SERINC5: variants seen among roughly 807,000 people sequenced by gnomAD.
SERINC5 encodes chromosome 5 open reading frame 12.
In SERINC5, 41 loss-of-function variants were observed where a neutral mutation model predicts 63.1. The observed-to-expected ratio is 0.65, with a 90% CI of 0.51 to 0.84. The LOEUF is 0.84. Ranked by LOEUF, SERINC5 falls within the 40% of genes least tolerant of loss-of-function variation. The pLI, the probability that SERINC5 is intolerant of heterozygous loss-of-function variation, is 0.00. For missense variants in SERINC5, 523 were observed against 573.0 expected, an observed-to-expected ratio of 0.91 and a Z score of 0.89; for synonymous variants, 222 against 215.2, an observed-to-expected ratio of 1.03 and a Z score of -0.28.
intron 1 of SERINC5, among the ~76,000 whole-genome samples, chr5:80,238,930 T>TCA (rs1299223911): frequency 6.6e-6 from 1 of 151,946 alleles, no homozygotes; most frequent in African/African-American, 2.4e-5. Flanking sequence ...CAACATCCAC[T>TCA]CATTCACGCT....
chr5:80,134,777 T>C (rs1745090931), downstream of SERINC5, among the ~76,000 whole-genome samples: 1 of 152,188 alleles, frequency 6.6e-6, no homozygotes, highest in Non-Finnish European at 1.5e-5. Context: ...ACCCTCATGG[T>C]TAGTTAGACA....
chr5:80,118,245 C>T (rs1744408905), intron 11 of SERINC5, among the ~76,000 whole-genome samples: 1 of 152,016 alleles, frequency 6.6e-6, no homozygotes, highest in African/African-American at 2.4e-5. Flanking sequence ...CCAGGGTGAT[C>T]TCCTCAAATC....
chr5:80,150,999 A>G (rs1336458093), intron 8 of SERINC5, 51 bp from the exon 9 acceptor site: 2 of 1,365,854 alleles, frequency 1.5e-6, no homozygotes, highest in African/African-American at 2.9e-5. Context: ...ATTACAACAC[A>G]TGGAATGAAG....
In SERINC5 at chr5:80,142,477, G is replaced by A. The variant is rs1457504960; in HGVS notation, c.*1186C>T. The stretch of plus-strand genomic sequence containing the variant: ...TGCAACTCCTGACCTCAAGTGATCC[G>A]CCTGCCTCTGCGCACCTCTTTTTAA... On this transcript the variant is annotated 3_prime_UTR_variant, in exon 12 of 12. Transcript: ENST00000507668. 6 of 984,084 alleles carry A rather than the reference G, an allele frequency of 6.1e-6. No individual in the cohort carries two copies. The highest frequency in any genetic ancestry group is 4.7e-5 in the South Asian group (1 of 21,268). The allele number at this position is 984,084 out of a possible 1,614,324, so 61.0% of individuals were successfully genotyped here. A position where few individuals can be genotyped will look rare whatever the true frequency, so the allele number is the denominator to read the frequency against.
intron 2 of SERINC5, among the ~76,000 whole-genome samples, chr5:80,180,907 T>C (rs1018638906): frequency 1.3e-5 from 2 of 152,174 alleles, no homozygotes; most frequent in African/African-American, 2.4e-5. Context: ...AGACTTAGAT[T>C]GCAGACCTAA....
chr5:80,132,109 T>C (rs775746858), intron 11 of SERINC5, among the ~76,000 whole-genome samples: 2 of 152,320 alleles, frequency 1.3e-5, no homozygotes, highest in East Asian at 1.9e-4. Flanking sequence ...AGATGAGCCA[T>C]GTTCAACATG....
intron 8 of SERINC5, chr5:80,157,868 T>C (rs936723635): frequency 4.6e-5 from 7 of 152,112 alleles, no homozygotes; most frequent in African/African-American, 1.4e-4. Flanking sequence ...CCTGAGCAAA[T>C]AGACTCTAAA....
rs1580067827 is a variant in SERINC5 at position 80,150,564 on chromosome 5, T to C, written c.1053+318A>G. ...GATTCTCGCGTCTCAGCCTCCCAAG[T>C]AGCTGGGACTACAGGTGTGAGCAAC... is the stretch of plus-strand genomic sequence containing the variant. On this transcript the variant is annotated intron_variant, in intron 9 of 11. Transcript: ENST00000507668. Among the ~76,000 whole-genome samples the C allele has an allele frequency of 2.0e-5, 3 of 152,312 alleles. No individual in the cohort carries two copies. In the South Asian group the frequency reaches 6.2e-4, roughly 32 times the overall value.
chr5:80,143,660 T>A lies in SERINC5; in HGVS notation c.*3A>T, dbSNP rs752715209. 3 of 1,535,700 alleles carry A rather than the reference T, an allele frequency of 2.0e-6. No individual in the cohort carries two copies. The highest frequency in any genetic ancestry group is 2.4e-5 in the East Asian group (1 of 40,894). On this transcript the variant is annotated 3_prime_UTR_variant, in exon 12 of 12. Coordinates refer to ENST00000507668, the MANE Select transcript of SERINC5 (RefSeq NM_001174072.3). ...CACAAAGCCCAGGGGACCGCCGATA[T>A]CATCACACAGAGAACTCCCGGGTGG...
At chr5:80,116,381 G>A (rs373937504) in intron 11 of SERINC5, 5 of 455,688 alleles carry the variant, frequency 1.1e-5, no homozygotes, top group South Asian at 7.8e-5. Flanking sequence ...TTCCTGGACA[G>A]AGAATGGGAC....
chr5:80,166,335 T>C (rs1747298739), intron 7 of SERINC5, 48 bp downstream of exon 7: 5 of 1,245,804 alleles, frequency 4.0e-6, no homozygotes, highest in Non-Finnish European at 5.7e-6. Context: ...CCTCCATGAA[T>C]GAAAATATTC....
chr5:80,241,366 G>A (rs1381447434), intron 1 of SERINC5, among the ~76,000 whole-genome samples: 1 of 152,140 alleles, frequency 6.6e-6, no homozygotes, highest in African/African-American at 2.4e-5. Context: ...CTACTCGGGA[G>A]GCTGAGGCAG....
chr5:80,207,637 C>G (rs1305974067), intron 1 of SERINC5, among the ~76,000 whole-genome samples: 1 of 152,144 alleles, frequency 6.6e-6, no homozygotes, highest in African/African-American at 2.4e-5. Context: ...CATTTTCACT[C>G]TTACTCTATA....
At chr5:80,155,567 C>T (rs138056132) in intron 8 of SERINC5, among the ~76,000 whole-genome samples, 737 of 66,002 alleles carry the variant, frequency 0.011, 14 homozygotes, top group African/African-American at 0.073. Context: ...AGCAAAACTC[C>T]GTCTCAAAAA....
intron 7 of SERINC5, among the ~76,000 whole-genome samples, chr5:80,159,239 G>A (rs1188522014): frequency 1.3e-5 from 2 of 152,200 alleles, no homozygotes; most frequent in Non-Finnish European, 2.9e-5. Flanking sequence ...CCTAAGGAAA[G>A]AGTCTTGCTC....
chr5:80,250,853 C>T (rs192854621), intron 1 of SERINC5, among the ~76,000 whole-genome samples: 96 of 152,254 alleles, frequency 6.3e-4, no homozygotes, highest in Non-Finnish European at 1.2e-3. Flanking sequence ...CTTGAGCCAC[C>T]GCTCACTCCC....
chr5:80,250,847 AGCCACC>A (rs1174787552), intron 1 of SERINC5, among the ~76,000 whole-genome samples: 1 of 152,112 alleles, frequency 6.6e-6, no homozygotes, highest in Non-Finnish European at 1.5e-5. Context: ...CTGACTCTTG[AGCCACC>A]GCTCACTCCC....
chr5:80,198,405 T>C (rs1749635335), intron 2 of SERINC5: 1 of 388,190 alleles, frequency 2.6e-6, no homozygotes, highest in African/African-American at 2.2e-5. Flanking sequence ...AGTCCCCTCT[T>C]ACTCAAACTT....
intron 9 of SERINC5, among the ~76,000 whole-genome samples, chr5:80,150,096 G>A (rs906050821): frequency 1.4e-4 from 22 of 152,202 alleles, no homozygotes; most frequent in African/African-American, 4.6e-4. Context: ...TATCTACAAC[G>A]TTCAACAGCG....
Sources: gnomAD v4.1 joint callset for allele counts (sites outside exome capture counted in the v4.1 genomes callset) on GRCh38, gnomAD v4.1.1 for gene constraint, MANE v1.5 for transcripts, NCBI Gene and HGNC (gene_info 2026-07-23, HGNC 2026-07-21) for gene names.